SOX6: variants seen among roughly 807,000 people sequenced by gnomAD.
SOX6 encodes the protein transcription factor SOX-6.
SOX6 carries 11 observed loss-of-function variants against 97.8 expected under a neutral mutation model. The observed-to-expected ratio is 0.11, with a 90% CI of 0.07 to 0.19. The LOEUF is 0.19. SOX6 is among the 10% of genes least tolerant of loss of function. The pLI is 1.00. For missense variants in SOX6, 810 were observed against 1,039.5 expected (o/e 0.78, Z 3.04); for synonymous variants, 360 against 371.4 (o/e 0.97, Z 0.35).
At chr11:16,060,651 A>G (rs1847925477) in intron 9 of SOX6, among the ~76,000 whole-genome samples, 1 of 151,918 alleles carries the variant, frequency 6.6e-6, no homozygotes, top group East Asian at 1.9e-4. Flanking sequence ...AATAGGTATA[A>G]GCTTACAAAA....
intron 4 of SOX6, among the ~76,000 whole-genome samples, chr11:16,569,466 C>T (rs537085811): frequency 7.2e-5 from 11 of 152,110 alleles, no homozygotes; most frequent in African/African-American, 2.4e-4. Context: ...GCACACAGTA[C>T]GTATACAGCA....
chr11:16,235,585 A>G (rs1204521838), intron 3 of SOX6, among the ~76,000 whole-genome samples: 1 of 152,160 alleles, frequency 6.6e-6, no homozygotes, highest in Non-Finnish European at 1.5e-5. Context: ...AGTGCAAAGC[A>G]TACTCCCATA....
intron 3 of SOX6, among the ~76,000 whole-genome samples, chr11:16,250,797 AAAT>A (rs1198471991): frequency 2.0e-5 from 3 of 152,106 alleles, no homozygotes; most frequent in Non-Finnish European, 4.4e-5. Context: ...TAGAATATTT[AAAT>A]AATAAGATTA....
At chr11:16,052,138 T>C (rs578215609) in intron 10 of SOX6, among the ~76,000 whole-genome samples, 4 of 152,126 alleles carry the variant, frequency 2.6e-5, no homozygotes. Context: ...ATACTCTAAT[T>C]TTTTACTTAG....
rs1848320166 is a variant in SOX6, at chr11:16,605,174, G to C, written n.609+6907C>G. Among the ~76,000 whole-genome samples the C allele has an allele frequency of 6.6e-6, 1 of 151,956 alleles. No homozygotes were observed. The highest frequency in any genetic ancestry group is 2.4e-5 in the African/African-American group (1 of 41,416). ...GCGGCCCCGGCTGCAGAGGAACGGC[G>C]GGTGGCGGGGCCCCGGCAGGGCGCC... On this transcript the variant is annotated intron_variant and non_coding_transcript_variant, in intron 4 of 5. Coordinates refer to the SOX6 transcript ENST00000524520. This position sits in a 1 kb window ranked among gnomAD's most constrained non-coding sequence, Gnocchi z 5.3.
intron 4 of SOX6, among the ~76,000 whole-genome samples, chr11:16,196,909 C>A (rs548834404): frequency 3.4e-5 from 5 of 145,770 alleles, no homozygotes; most frequent in African/African-American, 1.3e-4. Flanking sequence ...TCTCGGCTCA[C>A]TGCAGCCTCC....
intron 1 of SOX6, chr11:16,402,767 A>C (rs1467637073): frequency 6.2e-7 from 1 of 1,607,024 alleles, no homozygotes; most frequent in Admixed American, 1.7e-5. Flanking sequence ...TTAGGAAAAA[A>C]AACAATCTAC....
chr11:16,664,663 C>G (rs1028547526), intron 3 of SOX6, among the ~76,000 whole-genome samples: 12 of 152,052 alleles, frequency 7.9e-5, no homozygotes, highest in African/African-American at 2.9e-4. Context: ...CTGTACTGGA[C>G]TCGGAGCCAG....
intron 4 of SOX6, among the ~76,000 whole-genome samples, chr11:16,558,231 A>G (rs1847770017): frequency 6.6e-6 from 1 of 151,936 alleles, no homozygotes; most frequent in Non-Finnish European, 1.5e-5. Context: ...AAGATATTCA[A>G]GTAATTTATT....
At chr11:16,147,093 G>A (rs1286268468) in intron 6 of SOX6, among the ~76,000 whole-genome samples, 9 of 152,226 alleles carry the variant, frequency 5.9e-5, no homozygotes, top group Middle Eastern at 3.4e-3. Context: ...GCAAAGACTT[G>A]GAACCAACCC....
Position 15,981,761 on chromosome 11 carries a change from T to C in SOX6, c.2183+4443A>G, listed in dbSNP as rs540565463. On this transcript the variant is annotated intron_variant, in intron 15 of 15. Coordinates refer to ENST00000683767, the MANE Select transcript of SOX6 (RefSeq NM_001367873.1). ...AAAATGCAAATGTTCAAATCACTTA[T>C]AGTACAAGGCACTAAAATAATTATT... Among the ~76,000 whole-genome samples, 16 of 152,206 alleles carry C rather than the reference T, an allele frequency of 1.1e-4. No homozygotes were observed. In the South Asian group the frequency reaches 3.3e-3, roughly 32 times the overall value.
At chr11:16,222,808 C>T (rs992945556) in intron 4 of SOX6, among the ~76,000 whole-genome samples, 6 of 152,162 alleles carry the variant, frequency 3.9e-5, no homozygotes, top group Admixed American at 1.3e-4. Flanking sequence ...TTCTCTCTAA[C>T]ACTCTCAATA....
chr11:16,700,556 C>T (rs950585974), intron 3 of SOX6, among the ~76,000 whole-genome samples: 1 of 152,166 alleles, frequency 6.6e-6, no homozygotes, highest in African/African-American at 2.4e-5. Flanking sequence ...GTCTCCTGGT[C>T]CAGCTTCTGT....
chr11:16,338,067 T>C (rs1856516362), intron 2 of SOX6, among the ~76,000 whole-genome samples: 1 of 152,092 alleles, frequency 6.6e-6, no homozygotes, highest in South Asian at 2.1e-4. Context: ...TTAGGGCTTG[T>C]TTCTAACAGT....
chr11:16,335,575 C>CA (rs1246843028), intron 2 of SOX6, among the ~76,000 whole-genome samples: 2 of 152,074 alleles, frequency 1.3e-5, no homozygotes, highest in African/African-American at 2.4e-5. Context: ...CAAAATCTTA[C>CA]AAAAAACTGG....
intron 4 of SOX6, among the ~76,000 whole-genome samples, chr11:16,583,636 T>TATATATATATAC (rs1385821722): frequency 1.1e-5 from 1 of 87,100 alleles, no homozygotes; most frequent in Non-Finnish European, 2.4e-5. Context: ...TATATATATA[T>TATATATATATAC]ACACATACAC....
intron 2 of SOX6, among the ~76,000 whole-genome samples, chr11:16,733,715 T>A (rs1848368941): frequency 1.8e-5 from 2 of 113,080 alleles, no homozygotes; most frequent in Non-Finnish European, 1.8e-5. Flanking sequence ...ATCCCAGAAC[T>A]TAAAGTATAA....
At chr11:16,725,394 G>A in intron 2 of SOX6, among the ~76,000 whole-genome samples, 1 of 151,990 alleles carries the variant, frequency 6.6e-6, no homozygotes. Context: ...GTGTGGTGGT[G>A]CGCACCTATA....
chr11:16,589,265 G>T (rs963023757), intron 4 of SOX6, among the ~76,000 whole-genome samples: 1 of 152,048 alleles, frequency 6.6e-6, no homozygotes, highest in African/African-American at 2.4e-5. Context: ...CATCCTAGGA[G>T]TATACTACAT....
Sources: gnomAD v4.1 joint callset for allele counts (sites outside exome capture counted in the v4.1 genomes callset) on GRCh38, gnomAD v4.1.1 for gene constraint, Gnocchi (gnomAD v3.1) non-coding constraint, MANE v1.5 for transcripts, NCBI Gene and HGNC (gene_info 2026-07-23, HGNC 2026-07-21) for gene names.